GLT8D2: variants seen among roughly 807,000 people sequenced by gnomAD.
GLT8D2 encodes the protein glycosyltransferase 8 domain containing 2, also known as glycosyltransferase 8 domain-containing protein 2.
In GLT8D2, 45 loss-of-function variants were observed where a neutral mutation model predicts 44.5. The observed-to-expected ratio is 1.01, with a 90% CI of 0.80 to 1.30. GLT8D2 has a LOEUF of 1.30. GLT8D2 is among the 50% of genes most tolerant of loss of function. The probability of loss-of-function intolerance (pLI) is 0.00; values close to 1 mark genes in which losing one functional copy is unlikely to be tolerated. For synonymous variants in GLT8D2, 156 were observed against 157.2 expected, an observed-to-expected ratio of 0.99 and a Z score of 0.06; for missense variants, 400 against 430.4, an observed-to-expected ratio of 0.93 and a Z score of 0.62.
upstream of GLT8D2, among the ~76,000 whole-genome samples, chr12:104,054,000 A>C (rs746767514): frequency 4.6e-5 from 7 of 152,200 alleles, no homozygotes; most frequent in Non-Finnish European, 7.3e-5. Flanking sequence ...GAAAGACTGA[A>C]TACATTCAAG....
At chr12:104,016,882 G>GAAAGAAAGAA (rs557603937) in intron 3 of GLT8D2, among the ~76,000 whole-genome samples, 52 of 140,350 alleles carry the variant, frequency 3.7e-4, no homozygotes, top group Middle Eastern at 7.5e-3. Flanking sequence ...AAGAAAGAAA[G>GAAAGAAAGAA]AAAAATAAAG....
intron 1 of GLT8D2, among the ~76,000 whole-genome samples, chr12:104,063,659 C>T (rs969953154): frequency 6.6e-6 from 1 of 152,144 alleles, no homozygotes; most frequent in African/African-American, 2.4e-5. Flanking sequence ...CTTGGGGGTT[C>T]TGGAATCAGA....
chr12:104,032,734 A>G (rs955313527), intron 1 of GLT8D2, among the ~76,000 whole-genome samples: 5 of 152,180 alleles, frequency 3.3e-5, no homozygotes, highest in Non-Finnish European at 7.3e-5. Flanking sequence ...TGGAACAGCC[A>G]TTATGGAAAA....
chr12:103,999,793 A>T (rs1873964710), intron 5 of GLT8D2, among the ~76,000 whole-genome samples: 1 of 152,208 alleles, frequency 6.6e-6, no homozygotes, highest in African/African-American at 2.4e-5. Context: ...TTCCCCAGGA[A>T]ACAGGAAGAA....
chr12:104,009,653 T>A (rs1436128191), intron 4 of GLT8D2, among the ~76,000 whole-genome samples: 3 of 152,126 alleles, frequency 2.0e-5, no homozygotes, highest in Non-Finnish European at 4.4e-5. Context: ...AATGATATGG[T>A]TTGGCTCTGT....
chr12:104,036,496 A>AT (rs1341545986), intron 1 of GLT8D2, among the ~76,000 whole-genome samples: 1 of 152,192 alleles, frequency 6.6e-6, no homozygotes, highest in Non-Finnish European at 1.5e-5. Context: ...GCAAAAAAAA[A>AT]GCAGGGGCTG....
Position 103,996,811 on chromosome 12 carries a change from A to C in GLT8D2, c.524T>G (p.Leu175Arg). The C allele has an allele frequency of 1.2e-6, 2 of 1,614,120 alleles. No individual in the cohort carries two copies. The highest frequency in any genetic ancestry group is 1.7e-6 in the Non-Finnish European group (2 of 1,179,962). ...IQELYDTTLA[L>R]GHAAAFSDDC... ...ATCTGAGAAAGCCGCCGCGTGGCCC[A>C]GGGCCAAGGTGGTGTCATACAGTTC... is the stretch of plus-strand genomic sequence containing the variant. The change falls in exon 8 of 11, where the codon CTG (leucine) becomes CGG (arginine). Residue 175 changes from leucine to arginine, a missense_variant. By Grantham distance (102) the Leu-to-Arg change is moderately radical. Transcript: ENST00000360814.
chr12:104,018,261 C>T (rs895069141), intron 3 of GLT8D2, among the ~76,000 whole-genome samples: 1 of 152,094 alleles, frequency 6.6e-6, no homozygotes, highest in Non-Finnish European at 1.5e-5. Flanking sequence ...CATGAGCCAC[C>T]GCACCTGGCC....
At chr12:104,021,935 A>AGAG (rs1877799692) in intron 1 of GLT8D2, among the ~76,000 whole-genome samples, 1 of 23,010 alleles carries the variant, frequency 4.3e-5, no homozygotes, top group East Asian at 2.8e-3. Flanking sequence ...AAGAAGAAGA[A>AGAG]GAAGAAGAAG....
At chr12:103,996,954 T>G in intron 7 of GLT8D2, 107 bp from the exon 8 acceptor site, 1 of 678,266 alleles carries the variant, frequency 1.5e-6, no homozygotes, top group Non-Finnish European at 2.5e-6. Flanking sequence ...AGAAGAGTAT[T>G]GGATCCCTGA....
In GLT8D2 at chr12:104,021,432, TC is replaced by T. The variant is rs1877613407; in HGVS notation, c.-105del. 6.6e-6 allele frequency: 1 copy of T among 152,400 alleles called. No homozygotes were observed. The highest frequency in any genetic ancestry group is 6.6e-5 in the Admixed American group (1 of 15,266). The allele number at this position is 152,400 out of a possible 1,614,324, so 9.4% of individuals were successfully genotyped here. On this transcript the variant is annotated 5_prime_UTR_variant, in exon 2 of 11. Transcript: ENST00000360814. ...ATGTCCAATACTCAGCTCACAATCT[TC>T]TTCCACGCTCTGCACCTTCTAACCT...
At chr12:104,064,366 G>C (rs1250362841), upstream of GLT8D2, 7 of 472,228 alleles carry the variant, frequency 1.5e-5, no homozygotes, top group Non-Finnish European at 1.1e-5. The surrounding 1 kb of genome is among the most constrained non-coding windows in gnomAD (Gnocchi z 7.3). Flanking sequence ...AGTCGCCTGG[G>C]GTGGGGGCGG....
chr12:104,007,367 T>C (rs1875209386), intron 4 of GLT8D2, among the ~76,000 whole-genome samples: 1 of 151,290 alleles, frequency 6.6e-6, no homozygotes, highest in African/African-American at 2.4e-5. Context: ...CTAGCTGATA[T>C]TTCATTCAAT....
intron 1 of GLT8D2, among the ~76,000 whole-genome samples, chr12:104,023,631 G>C (rs1878192884): frequency 6.6e-6 from 1 of 152,100 alleles, no homozygotes; most frequent in Non-Finnish European, 1.5e-5. Flanking sequence ...CACCACAAAT[G>C]GGGTAGAGAA....
intron 8 of GLT8D2, among the ~76,000 whole-genome samples, chr12:103,996,224 T>A (rs745698584): frequency 2.4e-4 from 36 of 152,208 alleles, no homozygotes; most frequent in Admixed American, 3.9e-4. Context: ...CTCAGTTCCA[T>A]CAGGGTAAGG....
intron 1 of GLT8D2, among the ~76,000 whole-genome samples, chr12:104,049,252 G>GT (rs559503335): frequency 0.011 from 1,569 of 141,532 alleles, 22 homozygotes; most frequent in African/African-American, 0.033. Context: ...TCTCTCTCAG[G>GT]TTTTTTTTTT....
At position 104,020,261 on chromosome 12, in the gene GLT8D2, G is replaced by A. The variant is rs529787998; in HGVS notation, c.-28-585C>T. ...ACCTCTTGTAAAAAGAGCTCTGTCAGCCTTCTGGGTCAGCAGAGCAGATGG... is the reference window on the plus strand; with the variant it reads ...ACCTCTTGTAAAAAGAGCTCTGTCAACCTTCTGGGTCAGCAGAGCAGATGG... On this transcript the variant is annotated intron_variant, in intron 2 of 10. Transcript: ENST00000360814. Among the ~76,000 whole-genome samples, 86 of 152,144 alleles carry A rather than the reference G, an allele frequency of 5.7e-4. 1 individual carries two copies. The South Asian group carries it at 9.2e-3, about 16-fold the overall frequency.
intron 3 of GLT8D2, among the ~76,000 whole-genome samples, chr12:104,017,529 G>A (rs1276735405): frequency 6.6e-6 from 1 of 152,122 alleles, no homozygotes; most frequent in Admixed American, 6.5e-5. Flanking sequence ...CACCATGTTG[G>A]CCAGGCTGAT....
intron 1 of GLT8D2, among the ~76,000 whole-genome samples, chr12:104,024,697 G>A (rs1431620071): frequency 6.6e-6 from 1 of 152,132 alleles, no homozygotes; most frequent in African/African-American, 2.4e-5. Context: ...CGAAATGTCT[G>A]TTTAAATCTT....
Sources: gnomAD v4.1 joint callset for allele counts (sites outside exome capture counted in the v4.1 genomes callset) on GRCh38, gnomAD v4.1.1 for gene constraint, Gnocchi (gnomAD v3.1) non-coding constraint, MANE v1.5 for transcripts, NCBI Gene and HGNC (gene_info 2026-07-23, HGNC 2026-07-21) for gene names.